TSPAN18: variants seen among roughly 807,000 people sequenced by gnomAD.
TSPAN18 encodes tetraspanin-18.
TSPAN18 carries 14 observed loss-of-function variants against 27.3 expected under a neutral mutation model. The ratio of observed to expected loss-of-function variants is 0.51; its 90% CI spans 0.34 to 0.80. The LOEUF is 0.80. Among genes scored for constraint, TSPAN18 ranks in the 30% least tolerant of loss-of-function variants. The pLI, the probability that TSPAN18 is intolerant of heterozygous loss-of-function variation, is 0.01. For synonymous variants in TSPAN18, 143 were observed against 136.5 expected (o/e 1.05, Z -0.33); for missense variants, 268 against 323.9 (o/e 0.83, Z 1.32).
chr11:44,848,605 G>A (rs1857533303), intron 2 of TSPAN18, among the ~76,000 whole-genome samples: 1 of 152,202 alleles, frequency 6.6e-6, no homozygotes, highest in Non-Finnish European at 1.5e-5. Context: ...GGGGGCGGGG[G>A]AAGGGAGCCA....
intron 2 of TSPAN18, among the ~76,000 whole-genome samples, chr11:44,844,051 T>C (rs997479197): frequency 1.3e-5 from 2 of 152,194 alleles, no homozygotes; most frequent in African/African-American, 4.8e-5. Context: ...AAGTGATAAG[T>C]GTCCATGAAA....
chr11:44,790,769 G>A (rs1353496594), intron 2 of TSPAN18, among the ~76,000 whole-genome samples: 1 of 152,186 alleles, frequency 6.6e-6, no homozygotes, highest in East Asian at 1.9e-4. Context: ...CTCCCTCTGA[G>A]CCTCAGCTTC....
chr11:44,819,391 A>G (rs1856880777), intron 2 of TSPAN18, among the ~76,000 whole-genome samples: 1 of 152,224 alleles, frequency 6.6e-6, no homozygotes, highest in African/African-American at 2.4e-5. Flanking sequence ...GCAGGGGCCC[A>G]GGGAACTTGC....
chr11:44,742,048 T>TATCTC (rs1418585489), intron 1 of TSPAN18, among the ~76,000 whole-genome samples: 2 of 152,020 alleles, frequency 1.3e-5, no homozygotes, highest in African/African-American at 2.4e-5. Context: ...GATTTTTATC[T>TATCTC]CCATTTTACA....
intron 2 of TSPAN18, among the ~76,000 whole-genome samples, chr11:44,782,706 A>G (rs1331331911): frequency 6.6e-6 from 1 of 152,182 alleles, no homozygotes; most frequent in African/African-American, 2.4e-5. Flanking sequence ...AGACATTCTA[A>G]TAGTTGCGTA....
intron 4 of TSPAN18, among the ~76,000 whole-genome samples, chr11:44,907,937 C>G (rs967676828): frequency 6.6e-6 from 1 of 151,982 alleles, no homozygotes; most frequent in Non-Finnish European, 1.5e-5. Flanking sequence ...TGCCTGTAAT[C>G]CCAGCTACTC....
intron 8 of TSPAN18, among the ~76,000 whole-genome samples, chr11:44,923,180 T>G (rs990275407): frequency 6.6e-6 from 1 of 151,822 alleles, no homozygotes; most frequent in Non-Finnish European, 1.5e-5. Context: ...GTGTATGGGG[T>G]GGAGCTGGAG....
chr11:44,850,118 A>G (rs1416412458), intron 2 of TSPAN18, among the ~76,000 whole-genome samples: 26 of 152,140 alleles, frequency 1.7e-4, no homozygotes, highest in Admixed American at 1.7e-3. Context: ...TCCTCCAGAA[A>G]TGAGAAACAC....
intron 2 of TSPAN18, among the ~76,000 whole-genome samples, chr11:44,837,868 TTAA>T (rs1268594524): frequency 6.6e-6 from 1 of 152,256 alleles, no homozygotes; most frequent in African/African-American, 2.4e-5. Flanking sequence ...TATTGCACAC[TTAA>T]TAACAGTATG....
intron 2 of TSPAN18, among the ~76,000 whole-genome samples, chr11:44,793,688 C>T (rs1856282106): frequency 6.6e-6 from 1 of 152,188 alleles, no homozygotes; most frequent in African/African-American, 2.4e-5. Context: ...CTCCACTTGC[C>T]AGGCACTGGG....
chr11:44,737,165 T>C (rs1238878584), intron 1 of TSPAN18, among the ~76,000 whole-genome samples: 1 of 152,146 alleles, frequency 6.6e-6, no homozygotes, highest in East Asian at 1.9e-4. Context: ...GCCCCTCTTA[T>C]GTGGGGGCAT....
chr11:44,772,530 C>T (rs904808632), intron 2 of TSPAN18, among the ~76,000 whole-genome samples: 2 of 152,170 alleles, frequency 1.3e-5, no homozygotes, highest in African/African-American at 4.8e-5. Flanking sequence ...TGCATTAATG[C>T]TTAAGTCCCT....
chr11:44,838,355 C>T (rs367737942), intron 2 of TSPAN18, among the ~76,000 whole-genome samples: 5 of 152,236 alleles, frequency 3.3e-5, no homozygotes, highest in Admixed American at 6.5e-5. Context: ...ATAATGAGAA[C>T]AGCACGGGAA....
intron 2 of TSPAN18, among the ~76,000 whole-genome samples, chr11:44,792,979 A>C (rs991988953): frequency 2.0e-5 from 3 of 152,190 alleles, no homozygotes; most frequent in African/African-American, 7.2e-5. Context: ...TCCCAGAAAC[A>C]GACCCTGAGA....
At chr11:44,800,266 T>G (rs1856450441) in intron 2 of TSPAN18, among the ~76,000 whole-genome samples, 1 of 152,180 alleles carries the variant, frequency 6.6e-6, no homozygotes, top group Non-Finnish European at 1.5e-5. Context: ...TCAGGATGAC[T>G]GTGCAGGTAT....
intron 2 of TSPAN18, among the ~76,000 whole-genome samples, chr11:44,802,331 A>G (rs1214318595): frequency 2.3e-5 from 3 of 132,962 alleles, no homozygotes; most frequent in Non-Finnish European, 1.6e-5. Context: ...GGGTGGGGGG[A>G]GAGCTGTGGG....
intron 2 of TSPAN18, among the ~76,000 whole-genome samples, chr11:44,834,951 C>T (rs1857233821): frequency 1.3e-5 from 2 of 152,316 alleles, no homozygotes; most frequent in South Asian, 4.1e-4. Context: ...TCTTGCTGAT[C>T]CCACAGGGAA....
chr11:44,767,267 T>C (rs1300409841), intron 2 of TSPAN18, among the ~76,000 whole-genome samples: 2 of 152,210 alleles, frequency 1.3e-5, no homozygotes, highest in Non-Finnish European at 2.9e-5. Flanking sequence ...CCATCTTTAC[T>C]GGAGTCTTTC....
intron 2 of TSPAN18, among the ~76,000 whole-genome samples, chr11:44,820,748 C>G (rs536673835): frequency 4.0e-5 from 6 of 151,052 alleles, no homozygotes; most frequent in African/African-American, 1.2e-4. Flanking sequence ...GGGGGTGGAT[C>G]CTTTATGTCA....
Sources: allele counts gnomAD v4.1 joint callset (sites outside exome capture counted in the v4.1 genomes callset), GRCh38; gene constraint gnomAD v4.1.1; transcripts MANE v1.5; gene names NCBI Gene and HGNC (gene_info 2026-07-23, HGNC 2026-07-21).